The following MITF variants were observed in gnomAD, a reference collection of about 807,000 sequenced individuals.
MITF encodes melanocyte inducing transcription factor, also known as microphthalmia-associated transcription factor.
In MITF, 17 loss-of-function variants were observed where a neutral mutation model predicts 60.5. The observed-to-expected ratio is 0.28, with a 90% CI of 0.19 to 0.42. MITF has a LOEUF of 0.42. Ranked by LOEUF, MITF falls within the 10% of genes least tolerant of loss-of-function variation. The pLI, the probability that MITF is intolerant of heterozygous loss-of-function variation, is 1.00. For synonymous variants in MITF, 260 were observed against 248.5 expected, an observed-to-expected ratio of 1.05 and a Z score of -0.43; for missense variants, 622 against 683.5, an observed-to-expected ratio of 0.91 and a Z score of 1.00.
intron 1 of MITF, among the ~76,000 whole-genome samples, chr3:69,846,124 G>T (rs1005951933): frequency 4.9e-5 from 6 of 122,090 alleles, no homozygotes; most frequent in African/African-American, 2.0e-4. Flanking sequence ...GTTAGACCTT[G>T]CTGCCTAGGG....
intron 1 of MITF, among the ~76,000 whole-genome samples, chr3:69,750,901 T>C (rs1189869417): frequency 1.3e-5 from 2 of 152,108 alleles, no homozygotes; most frequent in African/African-American, 4.8e-5. Flanking sequence ...ATATTTGCCG[T>C]GTTTAATCAG....
chr3:69,938,245 T>A, intron 3 of MITF, 196 bp downstream of exon 3: 2 of 1,161,596 alleles, frequency 1.7e-6, no homozygotes, highest in South Asian at 1.3e-5. Context: ...GTAGAGCACA[T>A]GACGGGAGAC....
intron 1 of MITF, among the ~76,000 whole-genome samples, chr3:69,861,695 G>C (rs1291127878): frequency 6.6e-6 from 1 of 152,140 alleles, no homozygotes; most frequent in Non-Finnish European, 1.5e-5. Context: ...CTTCATCCTT[G>C]TCTTCCCCAT....
chr3:69,815,353 C>T (rs1249213473), intron 1 of MITF, among the ~76,000 whole-genome samples: 4 of 152,114 alleles, frequency 2.6e-5, no homozygotes, highest in Non-Finnish European at 2.9e-5. Context: ...TCCACCTGTA[C>T]GTGATGTTTC....
chr3:69,839,164 A>G (rs897219710), intron 1 of MITF, among the ~76,000 whole-genome samples: 1 of 151,760 alleles, frequency 6.6e-6, no homozygotes, highest in Non-Finnish European at 1.5e-5. Context: ...TTTTCTTTTA[A>G]AGGGACTTGG....
In MITF at chr3:69,822,587, C is replaced by T. The variant is rs139201301; in HGVS notation, c.105-56547C>T. On this transcript the variant is annotated intron_variant, in intron 1 of 9. Coordinates refer to ENST00000352241, the MANE Select transcript of MITF (RefSeq NM_001354604.2). Reference sequence around the variant, plus strand: ...AGAAAAAGACCAAACCTAACCAACCCGAACAGAAACAAGAAATGAAAAACT... The same window carrying T: ...AGAAAAAGACCAAACCTAACCAACCTGAACAGAAACAAGAAATGAAAAACT... Among the ~76,000 whole-genome samples, 192 of 152,130 alleles carry T rather than the reference C, an allele frequency of 1.3e-3. No individual in the cohort carries two copies. The Middle Eastern group carries it at 0.02, about 16-fold the overall frequency.
intron 8 of MITF, among the ~76,000 whole-genome samples, chr3:69,957,777 G>A (rs1351150684): frequency 5.9e-5 from 9 of 152,132 alleles, no homozygotes; most frequent in East Asian, 1.9e-4. Flanking sequence ...TTCTTTCCCC[G>A]TTGTATTAGA....
chr3:69,751,761 A>G (rs900051732), intron 1 of MITF, among the ~76,000 whole-genome samples: 13 of 152,068 alleles, frequency 8.5e-5, no homozygotes, highest in African/African-American at 3.1e-4. Flanking sequence ...GTTTCAACAG[A>G]GGCTGATATG....
At position 69,922,757 on chromosome 3, in the gene MITF, G is replaced by A. The variant is rs147369121; in HGVS notation, c.355-15065G>A. The stretch of plus-strand genomic sequence containing the variant: ...ATCTCATGATACTGAGATGCCTTTG[G>A]TTAACAAAAATTGCCATTGAGTCTG... On this transcript the variant is annotated intron_variant, in intron 2 of 9. Coordinates refer to ENST00000352241, the MANE Select transcript of MITF (RefSeq NM_001354604.2). Among the ~76,000 whole-genome samples the A allele has an allele frequency of 3.1e-3, 475 of 152,198 alleles. 1 individual carries two copies. The highest frequency in any genetic ancestry group is 0.01 in the African/African-American group (416 of 41,530).
intron 1 of MITF, among the ~76,000 whole-genome samples, chr3:69,833,640 T>G (rs2063490196): frequency 6.6e-6 from 1 of 152,228 alleles, no homozygotes; most frequent in Admixed American, 6.5e-5. Flanking sequence ...TGTTTTTCTA[T>G]TTACACTGTA....
chr3:69,938,547 A>C, intron 3 of MITF: 2 of 1,413,586 alleles, frequency 1.4e-6, no homozygotes, highest in Non-Finnish European at 1.8e-6. Context: ...ATAGCACATG[A>C]GACTTTAACG....
intron 2 of MITF, among the ~76,000 whole-genome samples, chr3:69,881,812 A>G (rs1345623486): frequency 6.6e-6 from 1 of 152,156 alleles, no homozygotes; most frequent in Admixed American, 6.5e-5. Context: ...ATTATGATAC[A>G]GATTATATTG....
chr3:69,815,348 C>G (rs2063165363), intron 1 of MITF, among the ~76,000 whole-genome samples: 1 of 152,106 alleles, frequency 6.6e-6, no homozygotes, highest in Non-Finnish European at 1.5e-5. Context: ...TTGGGTCCAC[C>G]TGTACGTGAT....
chr3:69,817,342 A>G, intron 1 of MITF, among the ~76,000 whole-genome samples: 1 of 152,144 alleles, frequency 6.6e-6, no homozygotes, highest in Admixed American at 6.6e-5. Context: ...TTAACATTTG[A>G]GTGGATCAAA....
intron 1 of MITF, among the ~76,000 whole-genome samples, chr3:69,821,163 C>A (rs534018967): frequency 6.6e-6 from 1 of 152,258 alleles, no homozygotes; most frequent in Non-Finnish European, 1.5e-5. Flanking sequence ...GCAAGGAGTT[C>A]ATTTCTTTCC....
At chr3:69,909,433 T>C (rs2065174812) in intron 2 of MITF, among the ~76,000 whole-genome samples, 1 of 152,146 alleles carries the variant, frequency 6.6e-6, no homozygotes, top group Admixed American at 6.5e-5. Flanking sequence ...GCTGAAACGA[T>C]ACCCAAAAAT....
At chr3:69,819,326 G>C (rs988565574) in intron 1 of MITF, among the ~76,000 whole-genome samples, 2 of 152,176 alleles carry the variant, frequency 1.3e-5, no homozygotes, top group African/African-American at 4.8e-5. Context: ...CCTGCTAAAT[G>C]TCCAGATGCA....
At chr3:69,840,185 A>G (rs961807622) in intron 1 of MITF, among the ~76,000 whole-genome samples, 1 of 152,222 alleles carries the variant, frequency 6.6e-6, no homozygotes, top group African/African-American at 2.4e-5. Flanking sequence ...AAGGGTGGTC[A>G]TCTGTCCTCT....
intron 1 of MITF, among the ~76,000 whole-genome samples, chr3:69,756,539 G>A (rs1704154639): frequency 6.6e-6 from 1 of 152,070 alleles, no homozygotes; most frequent in African/African-American, 2.4e-5. Context: ...TATCATTGAT[G>A]GGCATTTGGG....
Sources: gnomAD v4.1 joint callset for allele counts (sites outside exome capture counted in the v4.1 genomes callset) on GRCh38, gnomAD v4.1.1 for gene constraint, MANE v1.5 for transcripts, NCBI Gene and HGNC (gene_info 2026-07-23, HGNC 2026-07-21) for gene names.